FAM83F: variants seen among roughly 807,000 people sequenced by gnomAD.
FAM83F encodes scaffolding CK1 anchoring protein F, also known as protein FAM83F.
In FAM83F, 45 loss-of-function variants were observed where a neutral mutation model predicts 42.9. The ratio of observed to expected loss-of-function variants is 1.05; its 90% CI spans 0.83 to 1.35. FAM83F has a LOEUF of 1.35. FAM83F is among the 40% of genes most tolerant of loss of function. FAM83F has a pLI of 0.00. For synonymous variants in FAM83F, 306 were observed against 298.3 expected, an observed-to-expected ratio of 1.03 and a Z score of -0.27; for missense variants, 617 against 695.9, an observed-to-expected ratio of 0.89 and a Z score of 1.28.
At chr22:39,997,993 C>T (rs1057383544) in intron 1 of FAM83F, 2 of 152,398 alleles carry the variant, frequency 1.3e-5, no homozygotes, top group African/African-American at 4.8e-5. Context: ...AGGAAAGAGA[C>T]TTGCCCAGAG....
Position 40,030,591 on chromosome 22 carries a change from G to A in FAM83F, c.*1026G>A, listed in dbSNP as rs1184090292. ...AGAGTCAGGCCATTTTTAGGAGCCTGTGCCTCGCCAGAGCAGGTCAGCCTA... is the reference window on the plus strand; with the variant it reads ...AGAGTCAGGCCATTTTTAGGAGCCTATGCCTCGCCAGAGCAGGTCAGCCTA... On this transcript the variant is annotated 3_prime_UTR_variant, in exon 5 of 5. Coordinates refer to ENST00000333407, the MANE Select transcript of FAM83F (RefSeq NM_138435.4). The A allele has an allele frequency of 1.3e-5, 2 of 152,224 alleles. No homozygotes were observed. The highest frequency in any genetic ancestry group is 2.9e-5 in the Non-Finnish European group (2 of 68,060). The allele number at this position is 152,224 out of a possible 1,614,324, so 9.4% of individuals were successfully genotyped here.
chr22:40,004,989 C>T (rs781314006), intron 1 of FAM83F, among the ~76,000 whole-genome samples: 7 of 152,236 alleles, frequency 4.6e-5, no homozygotes, highest in Non-Finnish European at 8.8e-5. Flanking sequence ...GCCCAGGACA[C>T]GTGGACTCAC....
At position 39,995,588 on chromosome 22, in the gene FAM83F, C is replaced by T; in HGVS notation, c.489+57C>T. 1 of 1,466,464 alleles carries T rather than the reference C, an allele frequency of 6.8e-7. No individual in the cohort carries two copies. Among genetic ancestry groups the T allele is most frequent in the Non-Finnish European group, 9.1e-7 (1 of 1,104,904 alleles). The allele number at this position is 1,466,464 out of a possible 1,614,324, so 90.8% of individuals were successfully genotyped here. On this transcript the variant is annotated intron_variant, in intron 1 of 4. Coordinates refer to ENST00000333407, the MANE Select transcript of FAM83F (RefSeq NM_138435.4). The surrounding 1 kb of genome is among the most constrained non-coding windows in gnomAD (Gnocchi z 4.6). ...GGACCTCGGCCCCAGTCCCCTGGAC[C>T]GGGCCCCACCTCCCAGGCAGGGCCC... is the stretch of plus-strand genomic sequence containing the variant.
In FAM83F at chr22:39,995,893, G is replaced by A. The variant is rs1329579577; in HGVS notation, c.489+362G>A. On this transcript the variant is annotated intron_variant, in intron 1 of 4. Transcript: ENST00000333407. The surrounding 1 kb of genome is among the most constrained non-coding windows in gnomAD (Gnocchi z 4.6). ...CAAAGGTCTTGATGATAACCTACGT[G>A]CTGCCCAGAACATATCCCGAGCCGC... Among the ~76,000 whole-genome samples the A allele has an allele frequency of 6.6e-6, 1 of 152,174 alleles. No individual in the cohort carries two copies. Among genetic ancestry groups the A allele is most frequent in the Non-Finnish European group, 1.5e-5 (1 of 68,026 alleles).
chr22:40,027,888 G>A (rs1012954786), intron 4 of FAM83F, among the ~76,000 whole-genome samples: 7 of 81,014 alleles, frequency 8.6e-5, no homozygotes, highest in Admixed American at 1.7e-4. Flanking sequence ...CAGCTACACC[G>A]CCTCCCCTGT....
chr22:40,031,504 C>G lies in FAM83F; in HGVS notation c.*1939C>G, dbSNP rs1387002339. 2 of 152,232 alleles carry G rather than the reference C, an allele frequency of 1.3e-5. No homozygotes were observed. Among genetic ancestry groups the G allele is most frequent in the African/African-American group, 4.8e-5 (2 of 41,436 alleles). The allele number at this position is 152,232 out of a possible 1,614,324, so 9.4% of individuals were successfully genotyped here. On this transcript the variant is annotated 3_prime_UTR_variant, in exon 5 of 5. Transcript: ENST00000333407. The stretch of plus-strand genomic sequence containing the variant: ...CCCTTTACCTCCTCTAGGCCCAAAG[C>G]ACACCCAGGTCCCTCCCCTGCCCTG...
chr22:40,024,454 C>T (rs1244491032), intron 4 of FAM83F, among the ~76,000 whole-genome samples: 2 of 152,184 alleles, frequency 1.3e-5, no homozygotes, highest in Non-Finnish European at 2.9e-5. Flanking sequence ...GGGCACCCAC[C>T]GTGGGAATCA....
rs1322607045 is a variant in FAM83F at position 40,041,038 on chromosome 22, G to T, written c.*11473G>T. ...TTGGAATTTGTCCAAGCCGAGGGCAGGGATCACAACACAACCTCTCAAGGG... is the reference window on the plus strand; with the variant it reads ...TTGGAATTTGTCCAAGCCGAGGGCATGGATCACAACACAACCTCTCAAGGG... On this transcript the variant is annotated 3_prime_UTR_variant, in exon 5 of 5. Transcript: ENST00000333407. 2.0e-5 allele frequency: 3 copies of T among 152,200 alleles called. No homozygotes were observed. Among genetic ancestry groups the T allele is most frequent in the Non-Finnish European group, 4.4e-5 (3 of 68,042 alleles). 9.4% of individuals were successfully genotyped at this position (152,200 alleles called of 1,614,324 possible).
At chr22:40,004,698 A>C (rs1464959747) in intron 1 of FAM83F, among the ~76,000 whole-genome samples, 2 of 152,200 alleles carry the variant, frequency 1.3e-5, no homozygotes, top group Non-Finnish European at 2.9e-5. Context: ...TCGACCTTCT[A>C]AAGTGCTGGG....
rs1031299040 is a variant in FAM83F, at chr22:40,033,508, C to T, written c.*3943C>T. 2.0e-5 allele frequency: 3 copies of T among 152,400 alleles called. No individual in the cohort carries two copies. Among genetic ancestry groups the T allele is most frequent in the Non-Finnish European group, 4.4e-5 (3 of 68,166 alleles). The allele number at this position is 152,400 out of a possible 1,614,324, so 9.4% of individuals were successfully genotyped here. A position where few individuals can be genotyped will look rare whatever the true frequency, so the allele number is the denominator to read the frequency against. On this transcript the variant is annotated 3_prime_UTR_variant, in exon 5 of 5. Transcript: ENST00000333407. ...GCTCAGGGTCTTGGCAATGGTGATGCTTTGGAGCTGCAGAATCCTCTGTTG... is the reference window on the plus strand; with the variant it reads ...GCTCAGGGTCTTGGCAATGGTGATGTTTTGGAGCTGCAGAATCCTCTGTTG...
At chr22:40,018,865 A>T (rs542539490) in intron 1 of FAM83F, among the ~76,000 whole-genome samples, 1 of 152,284 alleles carries the variant, frequency 6.6e-6, no homozygotes, top group East Asian at 1.9e-4. Flanking sequence ...CTAGGATTAC[A>T]GGTGTGAGCC....
chr22:40,017,593 T>C (rs1347886295), intron 1 of FAM83F, among the ~76,000 whole-genome samples: 2 of 152,196 alleles, frequency 1.3e-5, no homozygotes, highest in Non-Finnish European at 2.9e-5. Context: ...TTGAGATAGG[T>C]GCAGTTATTA....
Position 39,995,459 on chromosome 22 carries a change from C to G in FAM83F, c.417C>G (p.Thr139=). Residue 139 remains threonine (T), a synonymous_variant, in exon 1 of 5, where the codon ACC becomes ACG. Transcript: ENST00000333407. This position sits in a 1 kb window ranked among gnomAD's most constrained non-coding sequence, Gnocchi z 4.6. Reference sequence around the variant, plus strand: ...GCGTGAGCCGGGTCACGCTCTTCACCCACCCGCCCAAGGACGAGAAGGCGC... The same window carrying G: ...GCGTGAGCCGGGTCACGCTCTTCACGCACCCGCCCAAGGACGAGAAGGCGC... ...YRGVSRVTLF[T]HPPKDEKAPH... is the part of the protein sequence containing the mutation. 6.4e-7 allele frequency: 1 copy of G among 1,569,236 alleles called. No individual in the cohort carries two copies. Among genetic ancestry groups the G allele is most frequent in the Non-Finnish European group, 8.6e-7 (1 of 1,156,974 alleles).
At chr22:40,017,914 TAAAAC>T (rs1006281429) in intron 1 of FAM83F, among the ~76,000 whole-genome samples, 11 of 152,150 alleles carry the variant, frequency 7.2e-5, no homozygotes, top group Admixed American at 1.3e-4. Flanking sequence ...GATCCACAGT[TAAAAC>T]AAAATCTCTC....
chr22:40,031,417 T>C lies in FAM83F; in HGVS notation c.*1852T>C, dbSNP rs1181167071. On this transcript the variant is annotated 3_prime_UTR_variant, in exon 5 of 5. Transcript: ENST00000333407. ...AGGCAGCCTGGGGAAGGGACCGGCC[T>C]CCAAGCAAGTCAGCCAAGGGCATCT... is the stretch of plus-strand genomic sequence containing the variant. 6.6e-6 allele frequency: 1 copy of C among 152,172 alleles called. No individual in the cohort carries two copies. Among genetic ancestry groups the C allele is most frequent in the Non-Finnish European group, 1.5e-5 (1 of 68,096 alleles). The allele number at this position is 152,172 out of a possible 1,614,324, so 9.4% of individuals were successfully genotyped here.
At position 40,023,541 on chromosome 22, in the gene FAM83F, G is replaced by T. The variant is rs2145721579; in HGVS notation, c.1453+1578G>T. On this transcript the variant is annotated intron_variant, in intron 4 of 4. Transcript: ENST00000333407. The surrounding 1 kb of genome is among the most constrained non-coding windows in gnomAD (Gnocchi z 4.1). ...GGAGTGGAAGCTTTCTCTTCCTTCA[G>T]CCCCTCGCCCTGAGATGCAGTTTCC... Among the ~76,000 whole-genome samples the T allele has an allele frequency of 6.6e-6, 1 of 152,214 alleles. No homozygotes were observed. The highest frequency in any genetic ancestry group is 1.5e-5 in the Non-Finnish European group (1 of 67,998).
chr22:40,023,986 G>C lies in FAM83F; in HGVS notation c.1453+2023G>C, dbSNP rs917826960. On this transcript the variant is annotated intron_variant, in intron 4 of 4. Transcript: ENST00000333407. The surrounding 1 kb of genome is among the most constrained non-coding windows in gnomAD (Gnocchi z 4.1). Reference sequence around the variant, plus strand: ...CCTCTCCCTCCCAAGGCCTGAGGGAGAAGCAGCAGCTCCTCTCCTGTCTTT... The same window carrying C: ...CCTCTCCCTCCCAAGGCCTGAGGGACAAGCAGCAGCTCCTCTCCTGTCTTT... Among the ~76,000 whole-genome samples the C allele has an allele frequency of 2.0e-5, 3 of 152,144 alleles. No homozygotes were observed. Among genetic ancestry groups the C allele is most frequent in the Non-Finnish European group, 4.4e-5 (3 of 68,022 alleles).
intron 1 of FAM83F, among the ~76,000 whole-genome samples, chr22:39,997,509 G>A (rs1175327928): frequency 3.3e-5 from 5 of 152,184 alleles, no homozygotes; most frequent in Admixed American, 2.6e-4. Flanking sequence ...GAAGATACAC[G>A]GTGTGGCTTT....
At chr22:40,019,381 A>C in intron 2 of FAM83F, 46 bp downstream of exon 2, 1 of 1,582,564 alleles carries the variant, frequency 6.3e-7, no homozygotes, top group Non-Finnish European at 8.7e-7. Context: ...GATGAGACAG[A>C]GACTACCTCT....
Sources: gnomAD v4.1 joint callset for allele counts (sites outside exome capture counted in the v4.1 genomes callset) on GRCh38, gnomAD v4.1.1 for gene constraint, Gnocchi (gnomAD v3.1) non-coding constraint, MANE v1.5 for transcripts, NCBI Gene and HGNC (gene_info 2026-07-23, HGNC 2026-07-21) for gene names.